NEIL3: variants seen among roughly 807,000 people sequenced by gnomAD.
NEIL3 encodes the protein nei like DNA glycosylase 3, also known as endonuclease 8-like 3.
Under a neutral mutation model 57.5 loss-of-function variants are expected in NEIL3, and 48 were observed. The ratio of observed to expected loss-of-function variants is 0.83; its 90% CI spans 0.66 to 1.06. The LOEUF is 1.06. Among genes scored for constraint, NEIL3 ranks in the 50% least tolerant of loss-of-function variants. The pLI is 0.00. For synonymous variants in NEIL3, 261 were observed against 253.2 expected, an observed-to-expected ratio of 1.03 and a Z score of -0.29; for missense variants, 717 against 739.1, an observed-to-expected ratio of 0.97 and a Z score of 0.35.
chr4:177,319,282 A>G (rs1200628024), intron 1 of NEIL3, among the ~76,000 whole-genome samples: 4 of 152,246 alleles, frequency 2.6e-5, no homozygotes, highest in African/African-American at 9.6e-5. Flanking sequence ...CCAGGTAGGG[A>G]GAAGACAAGT....
intron 2 of NEIL3, among the ~76,000 whole-genome samples, chr4:177,328,268 AT>A (rs1275670290): frequency 1.3e-5 from 2 of 152,218 alleles, no homozygotes; most frequent in Non-Finnish European, 2.9e-5. Flanking sequence ...TGTAACTGTC[AT>A]CCTAGAAGAA....
At position 177,360,579 on chromosome 4, in the gene NEIL3, C is replaced by T. The variant is rs1206677706; in HGVS notation, c.1537C>T (p.Leu513Phe). Residue 513 changes from leucine to phenylalanine, a missense_variant, in exon 9 of 10, where the codon CTC (leucine) becomes TTC (phenylalanine). Physicochemically the swap from Leu to Phe is conservative, Grantham distance 22. Transcript: ENST00000264596. The part of the protein sequence containing the change: ...DSPRCSKHNR[L>F]CILRVVGKDG... ...CCCTCGCTGCAGTAAACACAACCGC[C>T]TCTGCATTCTCCGAGTTGTGGGGAA... The T allele has an allele frequency of 1.2e-6, 2 of 1,614,012 alleles. No homozygotes were observed. Among genetic ancestry groups the T allele is most frequent in the Non-Finnish European group, 1.7e-6 (2 of 1,179,900 alleles).
downstream of NEIL3, among the ~76,000 whole-genome samples, chr4:177,364,137 G>T (rs1735660847): frequency 6.6e-6 from 1 of 152,158 alleles, no homozygotes; most frequent in African/African-American, 2.4e-5. Context: ...AGGAAAGATT[G>T]TTTAAAAGAC....
intron 2 of NEIL3, among the ~76,000 whole-genome samples, chr4:177,331,144 T>C (rs1734878099): frequency 6.6e-6 from 1 of 152,238 alleles, no homozygotes; most frequent in South Asian, 2.1e-4. Context: ...TTATTTTCTA[T>C]GTTTTAAATA....
At chr4:177,312,412 G>T (rs1342144209) in intron 1 of NEIL3, among the ~76,000 whole-genome samples, 3 of 152,076 alleles carry the variant, frequency 2.0e-5, no homozygotes, top group Admixed American at 1.3e-4. Context: ...ATATAGTAGT[G>T]GTTATTTATT....
At chr4:177,346,959 G>A (rs573285388) in intron 6 of NEIL3, among the ~76,000 whole-genome samples, 5 of 148,936 alleles carry the variant, frequency 3.4e-5, no homozygotes, top group South Asian at 2.1e-4. Flanking sequence ...CCGAGATCGC[G>A]CCAATGCACT....
Position 177,362,275 on chromosome 4 carries a change from T to G in NEIL3, c.1636-14T>G. The G allele has an allele frequency of 1.3e-6, 2 of 1,577,442 alleles. No individual in the cohort carries two copies. The highest frequency in any genetic ancestry group is 1.7e-6 in the Non-Finnish European group (2 of 1,161,966). Reference sequence around the variant, plus strand: ...TTTTGTATAAACTTGTAAATTTACCTTTTTTTCCTGCAGTGGGCAGATTTG... The same window carrying G: ...TTTTGTATAAACTTGTAAATTTACCGTTTTTTCCTGCAGTGGGCAGATTTG... On this transcript the variant is annotated splice_polypyrimidine_tract_variant and intron_variant, in intron 9 of 9. Transcript: ENST00000264596.
At chr4:177,314,138 A>G (rs1295313640) in intron 1 of NEIL3, among the ~76,000 whole-genome samples, 1 of 152,198 alleles carries the variant, frequency 6.6e-6, no homozygotes, top group Non-Finnish European at 1.5e-5. Context: ...AACATGCATT[A>G]TATACTTCCT....
chr4:177,364,744 A>T (rs1290895574), downstream of NEIL3, among the ~76,000 whole-genome samples: 2 of 152,070 alleles, frequency 1.3e-5, no homozygotes, highest in Non-Finnish European at 2.9e-5. Flanking sequence ...CCTGGCCAAC[A>T]TGGTGAAACC....
intron 7 of NEIL3, among the ~76,000 whole-genome samples, 173 bp downstream of exon 7, chr4:177,351,722 G>A (rs41278573): frequency 6.6e-6 from 1 of 152,304 alleles, no homozygotes; most frequent in Non-Finnish European, 1.5e-5. Flanking sequence ...ATTCTGTTGA[G>A]TATTTTTTTT....
chr4:177,365,846 T>G (rs182818103), downstream of NEIL3, among the ~76,000 whole-genome samples: 9 of 152,290 alleles, frequency 5.9e-5, no homozygotes, highest in East Asian at 1.7e-3. Flanking sequence ...TGATGTGAAG[T>G]GAGAAATTAC....
intron 2 of NEIL3, among the ~76,000 whole-genome samples, chr4:177,335,227 G>C (rs551183468): frequency 1.3e-5 from 2 of 152,142 alleles, no homozygotes; most frequent in Non-Finnish European, 2.9e-5. Flanking sequence ...ATCCATTGTG[G>C]TTAGAAATAA....
intron 9 of NEIL3, among the ~76,000 whole-genome samples, chr4:177,361,510 A>G (rs1162086308): frequency 1.3e-5 from 2 of 152,164 alleles, no homozygotes; most frequent in Admixed American, 1.3e-4. Context: ...GTGATTTTAG[A>G]CCTCAATCTC....
chr4:177,311,102 G>A (rs1354161289), intron 1 of NEIL3, among the ~76,000 whole-genome samples: 1 of 151,520 alleles, frequency 6.6e-6, no homozygotes, highest in Non-Finnish European at 1.5e-5. Flanking sequence ...TTCTAAAATC[G>A]TTTCAGGGTA....
At chr4:177,348,412 C>T (rs370112953) in intron 6 of NEIL3, among the ~76,000 whole-genome samples, 35 of 152,180 alleles carry the variant, frequency 2.3e-4, no homozygotes, top group Admixed American at 8.5e-4. Context: ...CCTGTGAGCT[C>T]GGAACGATGC....
rs751340722 is a variant in NEIL3 at position 177,339,897 on chromosome 4, T to C, written c.702+40T>C. On this transcript the variant is annotated intron_variant, in intron 5 of 9. Coordinates refer to ENST00000264596, the MANE Select transcript of NEIL3 (RefSeq NM_018248.3). The stretch of plus-strand genomic sequence containing the variant: ...TTTCAACTGTGTAAAATGTAAAATG[T>C]CAGTGGTTTCCTTTTGGAGTGCACC... The C allele has an allele frequency of 5.0e-6, 7 of 1,413,030 alleles. No individual in the cohort carries two copies. In the South Asian group the frequency reaches 6.9e-5, roughly 14 times the overall value. 87.5% of individuals were successfully genotyped at this position (1,413,030 alleles called of 1,614,324 possible).
At position 177,324,264 on chromosome 4, in the gene NEIL3, A is replaced by G. The variant is rs575335910; in HGVS notation, c.278+1684A>G. Reference sequence around the variant, plus strand: ...CACCTGGCTCATCTGCATTTGATAGAGCATATAGCAGGAAACACTTTCAAA... The same window carrying G: ...CACCTGGCTCATCTGCATTTGATAGGGCATATAGCAGGAAACACTTTCAAA... On this transcript the variant is annotated intron_variant, in intron 2 of 9. Coordinates refer to ENST00000264596, the MANE Select transcript of NEIL3 (RefSeq NM_018248.3). Among the ~76,000 whole-genome samples the G allele has an allele frequency of 2.0e-5, 3 of 152,206 alleles. No individual in the cohort carries two copies. The East Asian group carries it at 5.8e-4, about 29-fold the overall frequency.
chr4:177,358,403 G>T (rs988181330), intron 8 of NEIL3, among the ~76,000 whole-genome samples: 1 of 152,134 alleles, frequency 6.6e-6, no homozygotes, highest in Non-Finnish European at 1.5e-5. Flanking sequence ...TGCCTCCCGG[G>T]TTCAAGGGAT....
In NEIL3 at chr4:177,335,577, CCTGA is replaced by C. The variant is rs1251111295; in HGVS notation, c.279-108_279-105del. ...GTTTCTGCCCTTTAAAAGTGTCTAT[CCTGA>C]CTAACATTTGTTTGCTTATAATCCA... On this transcript the variant is annotated intron_variant, in intron 2 of 9. Transcript: ENST00000264596. 9.8e-6 allele frequency: 9 copies of C among 920,082 alleles called. No homozygotes were observed. In the East Asian group the frequency reaches 1.2e-4, roughly 13 times the overall value. The allele number at this position is 920,082 out of a possible 1,614,324, so 57.0% of individuals were successfully genotyped here. A position where few individuals can be genotyped will look rare whatever the true frequency, so the allele number is the denominator to read the frequency against.
Sources: allele counts gnomAD v4.1 joint callset (sites outside exome capture counted in the v4.1 genomes callset), GRCh38; gene constraint gnomAD v4.1.1; transcripts MANE v1.5; gene names NCBI Gene and HGNC (gene_info 2026-07-23, HGNC 2026-07-21).